The following CCDC69 variants were observed in gnomAD, a reference collection of about 807,000 sequenced individuals.
The protein encoded by CCDC69 is coiled-coil domain-containing protein 69.
In CCDC69, 38 loss-of-function variants were observed where a neutral mutation model predicts 40.3. The ratio of observed to expected loss-of-function variants is 0.94; its 90% CI spans 0.73 to 1.24. CCDC69 has a LOEUF of 1.24. CCDC69 is among the 50% of genes most tolerant of loss of function. The pLI, the probability that CCDC69 is intolerant of heterozygous loss-of-function variation, is 0.00. For missense variants in CCDC69, 389 were observed against 357.9 expected (o/e 1.09, Z -0.70); for synonymous variants, 141 against 138.9 (o/e 1.02, Z -0.11).
intron 1 of CCDC69, among the ~76,000 whole-genome samples, chr5:151,214,368 G>A (rs1200058565): frequency 6.6e-6 from 1 of 152,212 alleles, no homozygotes; most frequent in Non-Finnish European, 1.5e-5. Context: ...CTTCGGGGAG[G>A]AAGGGCGGGG....
At chr5:151,205,034 T>C (rs1752834087) in intron 2 of CCDC69, among the ~76,000 whole-genome samples, 1 of 109,360 alleles carries the variant, frequency 9.1e-6, no homozygotes, top group African/African-American at 3.2e-5. Context: ...TCCCTCCCTA[T>C]GGTGACATCT....
chr5:151,200,358 C>G (rs112967951), intron 3 of CCDC69, among the ~76,000 whole-genome samples: 35 of 152,130 alleles, frequency 2.3e-4, no homozygotes, highest in African/African-American at 8.5e-4. Flanking sequence ...AGGCTGTTCT[C>G]GAACTCCTGA....
chr5:151,202,696 C>T (rs1210966625), intron 2 of CCDC69, among the ~76,000 whole-genome samples: 1 of 152,156 alleles, frequency 6.6e-6, no homozygotes. Flanking sequence ...GTAGAGGGTG[C>T]TACTTGAGAG....
chr5:151,215,618 C>T, intron 1 of CCDC69: 2 of 418,196 alleles, frequency 4.8e-6, no homozygotes, highest in Non-Finnish European at 9.9e-6. Context: ...GAACCTGGAG[C>T]CCTCCACACC....
At chr5:151,184,287 T>A in intron 8 of CCDC69, 57 bp downstream of exon 8, 1 of 1,328,524 alleles carries the variant, frequency 7.5e-7, no homozygotes, top group East Asian at 2.3e-5. Flanking sequence ...CTCTCCCAGC[T>A]GGGAATTTTG....
Position 151,224,037 on chromosome 5 carries a change from G to T in CCDC69, c.-67C>A. On this transcript the variant is annotated 5_prime_UTR_variant, in exon 1 of 9. Coordinates refer to ENST00000355417, the MANE Select transcript of CCDC69 (RefSeq NM_015621.3). ...GCCCCCAGAGGAGCCTGCGATCCGG[G>T]CCCCGCTGCCCGCTCCGCGCCCGCC... 4.4e-6 allele frequency: 6 copies of T among 1,374,584 alleles called. No individual in the cohort carries two copies. Among genetic ancestry groups the T allele is most frequent in the Non-Finnish European group, 4.9e-6 (5 of 1,024,464 alleles). The allele number at this position is 1,374,584 out of a possible 1,614,324, so 85.1% of individuals were successfully genotyped here.
At chr5:151,210,231 G>A (rs10056677) in intron 1 of CCDC69, among the ~76,000 whole-genome samples, 61,481 of 152,062 alleles carry the variant, frequency 0.4, 14,335 homozygotes, top group African/African-American at 0.65. Context: ...TAATTTGCAG[G>A]TTAATTTGCT....
intron 7 of CCDC69, 30 bp from the exon 8 acceptor site, chr5:151,184,471 T>A (rs766171195): frequency 4.8e-6 from 7 of 1,466,886 alleles, no homozygotes; most frequent in Non-Finnish European, 6.7e-6. Flanking sequence ...CTCAGAAAGC[T>A]GCCAAACTCA....
chr5:151,192,905 T>TA (rs143593652), intron 4 of CCDC69, among the ~76,000 whole-genome samples: 27,376 of 147,278 alleles, frequency 0.19, 2,531 homozygotes, highest in East Asian at 0.23. Context: ...CAAGTGTGGA[T>TA]AAAAAAAATT....
At chr5:151,208,110 G>A (rs1752878596) in intron 1 of CCDC69, among the ~76,000 whole-genome samples, 1 of 152,100 alleles carries the variant, frequency 6.6e-6, no homozygotes, top group South Asian at 2.1e-4. Flanking sequence ...AATTAGGCAG[G>A]TGTGGTGGCG....
chr5:151,197,022 C>T (rs1316203790), intron 4 of CCDC69, among the ~76,000 whole-genome samples: 1 of 152,108 alleles, frequency 6.6e-6, no homozygotes, highest in African/African-American at 2.4e-5. Context: ...GGCAAATTAC[C>T]CAGCCGTAAA....
rs550146413 is a variant in CCDC69, at chr5:151,207,108, G to A, written c.49-1633C>T. Among the ~76,000 whole-genome samples the A allele has an allele frequency of 2.0e-5, 3 of 152,020 alleles. 1 individual carries two copies. In the South Asian group the frequency reaches 6.2e-4, roughly 32 times the overall value. On this transcript the variant is annotated intron_variant, in intron 1 of 8. Coordinates refer to ENST00000355417, the MANE Select transcript of CCDC69 (RefSeq NM_015621.3). ...TAATTTTTGTATTTTTAGTAGAGAT[G>A]GGGTTTCGCCATGTTGGCCAGGCTG...
intron 4 of CCDC69, among the ~76,000 whole-genome samples, chr5:151,194,015 T>C (rs1181426648): frequency 3.3e-5 from 5 of 152,198 alleles, no homozygotes; most frequent in African/African-American, 1.2e-4. Context: ...ATGGTGAAGA[T>C]TACTGCACAC....
intron 7 of CCDC69, chr5:151,184,863 C>T (rs1037957662): frequency 3.1e-5 from 5 of 162,224 alleles, no homozygotes; most frequent in Middle Eastern, 1.9e-3. Context: ...TGTCACGTGA[C>T]TCAAGCCCCC....
At chr5:151,185,258 T>G in intron 7 of CCDC69, 164 bp downstream of exon 7, 1 of 696,024 alleles carries the variant, frequency 1.4e-6, no homozygotes, top group Non-Finnish European at 2.4e-6. Context: ...TGACCCAGCC[T>G]GGCCACAGAC....
At chr5:151,197,634 T>C (rs988364939) in intron 4 of CCDC69, among the ~76,000 whole-genome samples, 7 of 152,164 alleles carry the variant, frequency 4.6e-5, no homozygotes, top group African/African-American at 1.7e-4. Context: ...ATGTATTAAA[T>C]GTCACTAATG....
At chr5:151,192,912 A>AT (rs79895262) in intron 4 of CCDC69, among the ~76,000 whole-genome samples, 20,715 of 152,110 alleles carry the variant, frequency 0.14, 1,724 homozygotes, top group African/African-American at 0.23. Context: ...GGATAAAAAA[A>AT]ATTTGAAAAA....
chr5:151,193,174 T>C (rs978868806), intron 4 of CCDC69, among the ~76,000 whole-genome samples: 1 of 151,978 alleles, frequency 6.6e-6, no homozygotes, highest in Admixed American at 6.6e-5. Flanking sequence ...TAGGGATAAC[T>C]ATATTTGAAA....
intron 5 of CCDC69, 69 bp downstream of exon 5, chr5:151,187,316 GC>G (rs1752537855): frequency 1.4e-6 from 2 of 1,416,922 alleles, no homozygotes; most frequent in East Asian, 4.6e-5. Context: ...CTGCCTTGGG[GC>G]TCCATGCTGC....
Sources: gnomAD v4.1 joint callset for allele counts (sites outside exome capture counted in the v4.1 genomes callset) on GRCh38, gnomAD v4.1.1 for gene constraint, MANE v1.5 for transcripts, NCBI Gene and HGNC (gene_info 2026-07-23, HGNC 2026-07-21) for gene names.